AKAP9: variants seen among roughly 807,000 people sequenced by gnomAD.
The protein encoded by AKAP9 is A-kinase anchor protein 9.
AKAP9 carries 311 observed loss-of-function variants against 488.5 expected under a neutral mutation model. The ratio of observed to expected loss-of-function variants is 0.64; its 90% CI spans 0.58 to 0.70. The LOEUF is 0.70. Among genes scored for constraint, AKAP9 ranks in the 30% least tolerant of loss-of-function variants. The pLI is 0.00. For missense variants in AKAP9, 4,215 were observed against 4,374.5 expected (o/e 0.96, Z 1.03); for synonymous variants, 1,462 against 1,483.5 (o/e 0.99, Z 0.33).
intron 23 of AKAP9, among the ~76,000 whole-genome samples, chr7:92,062,023 A>G (rs1809937049): frequency 6.6e-6 from 1 of 152,192 alleles, no homozygotes; most frequent in Non-Finnish European, 1.5e-5. Context: ...ACTTTGGTAT[A>G]GCAAAGTATT....
At chr7:92,092,381 C>T (rs1815783055) in intron 38 of AKAP9, 2 of 152,150 alleles carry the variant, frequency 1.3e-5, no homozygotes, top group African/African-American at 2.4e-5. Flanking sequence ...AAGATATCAG[C>T]AGTGCTCATC....
chr7:92,052,999 A>G (rs1343423976), intron 22 of AKAP9, 41 bp downstream of exon 22: 1 of 1,469,362 alleles, frequency 6.8e-7, no homozygotes, highest in Non-Finnish European at 9.5e-7. Context: ...AGTTTGAAGT[A>G]CAATATACTA....
intron 1 of AKAP9, among the ~76,000 whole-genome samples, chr7:91,954,614 A>G (rs1486757175): frequency 1.3e-5 from 2 of 152,254 alleles, no homozygotes; most frequent in African/African-American, 2.4e-5. Context: ...TAAAAATTAT[A>G]TAAATCATAG....
At chr7:92,022,401 G>GCTATA (rs1802448773) in intron 13 of AKAP9, 49 bp downstream of exon 13, 1 of 1,322,310 alleles carries the variant, frequency 7.6e-7, no homozygotes, top group Non-Finnish European at 1.1e-6. Flanking sequence ...AGCAAATATT[G>GCTATA]AGTAATTTGC....
intron 46 of AKAP9, among the ~76,000 whole-genome samples, chr7:92,105,254 C>T (rs1233661225): frequency 6.6e-6 from 1 of 152,182 alleles, no homozygotes; most frequent in African/African-American, 2.4e-5. Context: ...CACCTTGCAG[C>T]ATTCCCAGCA....
chr7:92,089,727 A>T, intron 38 of AKAP9, 198 bp downstream of exon 38: 1 of 552,144 alleles, frequency 1.8e-6, no homozygotes, highest in South Asian at 2.3e-5. Context: ...AGCTACGTTG[A>T]CTTTAAAATA....
intron 8 of AKAP9, among the ~76,000 whole-genome samples, chr7:92,008,945 C>G (rs1438059835): frequency 6.7e-6 from 1 of 148,996 alleles, no homozygotes; most frequent in Non-Finnish European, 1.5e-5. Flanking sequence ...GAAATCACAC[C>G]ACTGCACTCC....
At chr7:91,989,168 G>T (rs554920881) in intron 3 of AKAP9, among the ~76,000 whole-genome samples, 1 of 152,138 alleles carries the variant, frequency 6.6e-6, no homozygotes, top group South Asian at 2.1e-4. Context: ...AGGATTTCAG[G>T]TTCTGATAAT....
In AKAP9 at chr7:92,095,021, AGGT is replaced by A; in HGVS notation, c.9579-1_9580del. Reference sequence around the variant, plus strand: ...GGAAATTCATTTGTCTTTCTGACTTAGGTTGGAAGTTAAAGATAAGACAGATGA... The same window carrying A: ...GGAAATTCATTTGTCTTTCTGACTTATGGAAGTTAAAGATAAGACAGATGA... On this transcript the variant is annotated splice_acceptor_variant and coding_sequence_variant, in exon 40 of 50. Transcript: ENST00000356239. LOFTEE classifies it high-confidence loss of function. 1 of 1,613,712 alleles carries A rather than the reference AGGT, an allele frequency of 6.2e-7. No individual in the cohort carries two copies. The highest frequency in any genetic ancestry group is 8.5e-7 in the Non-Finnish European group (1 of 1,179,666).
Position 92,061,109 on chromosome 7 carries a change from A to G in AKAP9, c.5602-151A>G, listed in dbSNP as rs190233717. The G allele has an allele frequency of 3.8e-5, 33 of 877,266 alleles. No individual in the cohort carries two copies. In the East Asian group the frequency reaches 7.4e-4, roughly 20 times the overall value. 54.3% of individuals were successfully genotyped at this position (877,266 alleles called of 1,614,324 possible). ...TCTCCTCTGATTTCTCCTACCTGCT[A>G]ATCTTAGCATACACTGGCAATATCT... is the stretch of plus-strand genomic sequence containing the variant. On this transcript the variant is annotated intron_variant, in intron 22 of 49. Coordinates refer to ENST00000356239, the MANE Select transcript of AKAP9 (RefSeq NM_005751.5).
chr7:92,042,244 T>C (rs529846171), intron 19 of AKAP9, 58 bp downstream of exon 19: 2 of 1,606,514 alleles, frequency 1.2e-6, no homozygotes, highest in East Asian at 2.2e-5. Context: ...TAGGATTTGT[T>C]TGTCTTTGTT....
In AKAP9 at chr7:92,061,288, AG is replaced by A; in HGVS notation, c.5631del (p.Glu1877AspfsTer2). On this transcript the variant is annotated frameshift_variant, in exon 23 of 50. Coordinates refer to ENST00000356239, the MANE Select transcript of AKAP9 (RefSeq NM_005751.5). LOFTEE classifies it high-confidence loss of function. ...QLEHAKVTQTELMRESFRQKQ... is the reference protein window; with the variant it reads ...QLEHAKVTQTXLMRESFRQKQ... ...GAACATGCGAAAGTGACACAGACAG[AG>A]TTGATGCGTGAGTCATTTAGACAGA... 1 of 1,612,688 alleles carries A rather than the reference AG, an allele frequency of 6.2e-7. No individual in the cohort carries two copies. The highest frequency in any genetic ancestry group is 1.3e-5 in the African/African-American group (1 of 74,888).
chr7:92,082,392 T>C (rs1813737322), intron 31 of AKAP9, 130 bp from the exon 32 acceptor site: 1 of 918,198 alleles, frequency 1.1e-6, no homozygotes, highest in African/African-American at 1.7e-5. Flanking sequence ...GAAAGAGCAT[T>C]GATTTGTTCC....
rs764991860 is a variant in AKAP9 at position 91,973,748 on chromosome 7, G to T, written c.86G>T (p.Gly29Val). The T allele has an allele frequency of 6.2e-7, 1 of 1,613,470 alleles. No individual in the cohort carries two copies. Among genetic ancestry groups the T allele is most frequent in the South Asian group, 1.1e-5 (1 of 91,036 alleles). ...QFRQRKAQSD[G>V]QSPSKKQKKK... ...CGACAAAGAAAAGCTCAGTCGGATG[G>T]GCAGAGTCCTTCCAAGAAGCAGAAA... is the stretch of plus-strand genomic sequence containing the variant. Residue 29 changes from glycine to valine, a missense_variant, in exon 2 of 50, where the codon GGG becomes GTG. Physicochemically the swap from Gly to Val is moderately radical, Grantham distance 109. Coordinates refer to ENST00000356239, the MANE Select transcript of AKAP9 (RefSeq NM_005751.5).
chr7:92,093,115 T>C lies in AKAP9; in HGVS notation c.9377T>C (p.Ile3126Thr), dbSNP rs749833223. 71 of 1,613,716 alleles carry C rather than the reference T, an allele frequency of 4.4e-5. No individual in the cohort carries two copies. The highest frequency in any genetic ancestry group is 5.8e-5 in the Non-Finnish European group (68 of 1,179,788). The change falls in exon 39 of 50, where the codon ATA becomes ACA. Residue 3126 changes from isoleucine to threonine, a missense_variant. By Grantham distance (89) the Ile-to-Thr change is moderately conservative. Around this residue, in one of 5 missense-constraint regions of AKAP9, gnomAD observed 1,476 missense variants for 1,477.4 expected, o/e 1.00. Transcript: ENST00000356239. The stretch of plus-strand genomic sequence containing the variant: ...TGTGTAGAACTCTTGGAATATAATA[T>C]ACAGCAGAAGCAGTCTCAAATGCTG... ...KPSQELLEYN[I>T]QQKQSQMLEM...
Position 92,031,654 on chromosome 7 carries a change from A to C in AKAP9, c.4338+50A>C, listed in dbSNP as rs779422304. 3 of 1,367,792 alleles carry C rather than the reference A, an allele frequency of 2.2e-6. No individual in the cohort carries two copies. The African/African-American group carries it at 4.3e-5, about 20-fold the overall frequency. The allele number at this position is 1,367,792 out of a possible 1,614,324, so 84.7% of individuals were successfully genotyped here. A position where few individuals can be genotyped will look rare whatever the true frequency, so the allele number is the denominator to read the frequency against. On this transcript the variant is annotated intron_variant, in intron 16 of 49. Coordinates refer to ENST00000356239, the MANE Select transcript of AKAP9 (RefSeq NM_005751.5). ...ATTATCTTGGTTTATATTCCCTTTG[A>C]GCCTTCAAAAAGAACATAGATTTTA... is the stretch of plus-strand genomic sequence containing the variant.
chr7:92,093,002 C>A, intron 38 of AKAP9, 95 bp from the exon 39 acceptor site: 2 of 1,073,742 alleles, frequency 1.9e-6, no homozygotes, highest in South Asian at 1.4e-5. Flanking sequence ...TTGAAGTAAT[C>A]TCCTTAACTA....
chr7:92,087,274 C>G (rs757266705), intron 37 of AKAP9, among the ~76,000 whole-genome samples: 3 of 152,174 alleles, frequency 2.0e-5, no homozygotes, highest in African/African-American at 7.2e-5. Context: ...AATAGACACA[C>G]TGGTACAATA....
intron 24 of AKAP9, chr7:92,063,377 G>A (rs1183517756): frequency 1.4e-6 from 1 of 727,844 alleles, no homozygotes; most frequent in Non-Finnish European, 1.7e-6. Context: ...GTGTGTGCAT[G>A]TGCATTATCC....
Sources: gnomAD v4.1 joint callset for allele counts (sites outside exome capture counted in the v4.1 genomes callset) on GRCh38, gnomAD v4.1.1 for gene constraint, gnomAD v4.1.1 regional missense constraint, MANE v1.5 for transcripts, NCBI Gene and HGNC (gene_info 2026-07-23, HGNC 2026-07-21) for gene names.